The following SLC35F3 variants were observed in gnomAD, a reference collection of about 807,000 sequenced individuals.
SLC35F3 encodes solute carrier family 35 member F3, also known as putative thiamine transporter SLC35F3.
SLC35F3 carries 25 observed loss-of-function variants against 49.9 expected under a neutral mutation model. The ratio of observed to expected loss-of-function variants is 0.50; its 90% confidence interval spans 0.37 to 0.70. The LOEUF (loss-of-function observed/expected upper bound fraction) is 0.70, where lower values mean the gene tolerates loss of function less well. Ranked by LOEUF, SLC35F3 falls within the 30% of genes least tolerant of loss-of-function variation. The pLI, the probability that SLC35F3 is intolerant of heterozygous loss-of-function variation, is 0.00. For missense variants in SLC35F3, 525 were observed against 639.8 expected (o/e 0.82, Z 1.94); for synonymous variants, 275 against 265.4 (o/e 1.04, Z -0.35).
chr1:234,160,952 C>T (rs1572075359), intron 2 of SLC35F3, among the ~76,000 whole-genome samples: 1 of 152,186 alleles, frequency 6.6e-6, no homozygotes. Context: ...CCATAAAATG[C>T]TAAATTAATA....
intron 2 of SLC35F3, among the ~76,000 whole-genome samples, chr1:233,947,181 A>C (rs1662526000): frequency 6.6e-6 from 1 of 152,184 alleles, no homozygotes; most frequent in Admixed American, 6.5e-5. Context: ...AGTTTAAAAA[A>C]CCCACTGGGC....
At chr1:234,148,647 CA>C (rs1666030241) in intron 2 of SLC35F3, among the ~76,000 whole-genome samples, 1 of 152,174 alleles carries the variant, frequency 6.6e-6, no homozygotes, top group Non-Finnish European at 1.5e-5. Context: ...ACTCGATTTA[CA>C]TTTTAAGATC....
chr1:234,221,884 T>G (rs1355136210), intron 2 of SLC35F3, among the ~76,000 whole-genome samples: 1 of 152,234 alleles, frequency 6.6e-6, no homozygotes, highest in Non-Finnish European at 1.5e-5. Context: ...GGCAGGAACA[T>G]TCTAAGAGTC....
intron 2 of SLC35F3, among the ~76,000 whole-genome samples, chr1:233,917,105 CAT>C (rs1661985589): frequency 6.6e-6 from 1 of 152,132 alleles, no homozygotes; most frequent in African/African-American, 2.4e-5. Flanking sequence ...GATTACAAGA[CAT>C]ATACATCTCG....
chr1:234,165,692 T>G (rs1666308563), intron 2 of SLC35F3, among the ~76,000 whole-genome samples: 1 of 152,152 alleles, frequency 6.6e-6, no homozygotes. Context: ...GGCTCATTCT[T>G]TTTTCTTTTT....
intron 2 of SLC35F3, among the ~76,000 whole-genome samples, chr1:234,050,655 A>G (rs370480001): frequency 6.6e-6 from 1 of 151,968 alleles, no homozygotes; most frequent in African/African-American, 2.4e-5. Flanking sequence ...GATCCCATTT[A>G]TCAATTTTGG....
chr1:233,945,132 G>A (rs1475026887), intron 2 of SLC35F3, among the ~76,000 whole-genome samples: 1 of 151,830 alleles, frequency 6.6e-6, no homozygotes, highest in Non-Finnish European at 1.5e-5. Context: ...CATTCGGTTA[G>A]TGATCATGTT....
chr1:234,151,445 A>G (rs1482948859), intron 2 of SLC35F3, among the ~76,000 whole-genome samples: 1 of 152,074 alleles, frequency 6.6e-6, no homozygotes, highest in Non-Finnish European at 1.5e-5. Flanking sequence ...ACTCTACACA[A>G]TGAAAGTGTG....
chr1:234,180,017 G>T (rs187403705), intron 2 of SLC35F3, among the ~76,000 whole-genome samples: 4 of 152,174 alleles, frequency 2.6e-5, no homozygotes. Flanking sequence ...CCTATAGCTC[G>T]ATCCTAGAAT....
In SLC35F3 at chr1:233,963,370, G is replaced by A. The variant is rs1245448781; in HGVS notation, c.283+57612G>A. Among the ~76,000 whole-genome samples, 8 of 150,982 alleles carry A rather than the reference G, an allele frequency of 5.3e-5. No homozygotes were observed. The South Asian group carries it at 1.3e-3, about 24-fold the overall frequency. Reference sequence around the variant, plus strand: ...GACTGGAGTGCAGTGGTGCAATCTCGGCTCACTGCAAGCTCCGCCTCCCAG... The same window carrying A: ...GACTGGAGTGCAGTGGTGCAATCTCAGCTCACTGCAAGCTCCGCCTCCCAG... On this transcript the variant is annotated intron_variant, in intron 2 of 7. Transcript: ENST00000366618.
intron 2 of SLC35F3, among the ~76,000 whole-genome samples, chr1:234,058,002 C>T (rs562811086): frequency 1.3e-5 from 2 of 152,186 alleles, no homozygotes; most frequent in East Asian, 1.9e-4. Context: ...ACACTGCATC[C>T]GGCCATGTGT....
chr1:233,955,470 CATAT>C (rs1435630036), intron 2 of SLC35F3, among the ~76,000 whole-genome samples: 1 of 152,168 alleles, frequency 6.6e-6, no homozygotes, highest in African/African-American at 2.4e-5. Flanking sequence ...CTACAACCTG[CATAT>C]CTAATTGGTG....
At chr1:233,914,426 T>C (rs1278618776) in intron 2 of SLC35F3, among the ~76,000 whole-genome samples, 3 of 152,124 alleles carry the variant, frequency 2.0e-5, no homozygotes, top group African/African-American at 7.2e-5. Flanking sequence ...TTGCTGCAGC[T>C]CCTCCTCCAA....
intron 3 of SLC35F3, among the ~76,000 whole-genome samples, chr1:234,246,071 G>A (rs1036766083): frequency 6.6e-6 from 1 of 152,150 alleles, no homozygotes; most frequent in Non-Finnish European, 1.5e-5. Context: ...TACCACCTTT[G>A]GAAAATATTA....
Position 234,231,748 on chromosome 1 carries a change from GC to G in SLC35F3, c.608+8del. The G allele has an allele frequency of 1.3e-6, 2 of 1,589,922 alleles. No individual in the cohort carries two copies. Among genetic ancestry groups the G allele is most frequent in the East Asian group, 2.2e-5 (1 of 44,554 alleles). On this transcript the variant is annotated splice_region_variant and intron_variant, in intron 3 of 7. Transcript: ENST00000366618. The surrounding 1 kb of genome is among the most constrained non-coding windows in gnomAD (Gnocchi z 5.4). ...CTGTGAAGCAGCGATACAGGTAGGC[GC>G]GTCCTGCATGAGGAGGCCTCCTGAC... is the stretch of plus-strand genomic sequence containing the variant.
At chr1:234,039,727 C>T (rs981789461) in intron 2 of SLC35F3, among the ~76,000 whole-genome samples, 2 of 152,226 alleles carry the variant, frequency 1.3e-5, no homozygotes, top group Non-Finnish European at 2.9e-5. Flanking sequence ...TGCTCAACCC[C>T]TCGTGGGAGA....
chr1:234,079,392 A>G (rs142977071), intron 2 of SLC35F3, among the ~76,000 whole-genome samples: 1,722 of 152,326 alleles, frequency 0.011, 42 homozygotes, highest in Admixed American at 0.046. Context: ...ATTAGGCATC[A>G]ATTTCTTAAA....
chr1:234,235,441 A>G (rs1572107957), intron 3 of SLC35F3, among the ~76,000 whole-genome samples: 4 of 152,318 alleles, frequency 2.6e-5, no homozygotes, highest in South Asian at 4.1e-4. Flanking sequence ...TGGCTGTATC[A>G]GGTCTGTGTT....
chr1:234,214,750 G>T lies in SLC35F3; in HGVS notation c.284-16667G>T, dbSNP rs1667096569. 3.7e-6 allele frequency: 3 copies of T among 803,686 alleles called. No individual in the cohort carries two copies. The highest frequency in any genetic ancestry group is 3.8e-4 in the Middle Eastern group (1 of 2,666). 49.8% of individuals were successfully genotyped at this position (803,686 alleles called of 1,614,324 possible). Reference sequence around the variant, plus strand: ...GTGGGGGGATCTGGCAGCTTCAGGGGCTGCCCTGAGCTCCCTGGCGAGCAG... The same window carrying T: ...GTGGGGGGATCTGGCAGCTTCAGGGTCTGCCCTGAGCTCCCTGGCGAGCAG... On this transcript the variant is annotated intron_variant, in intron 2 of 7. Coordinates refer to ENST00000366618, the MANE Select transcript of SLC35F3 (RefSeq NM_173508.4). The surrounding 1 kb of genome is among the most constrained non-coding windows in gnomAD (Gnocchi z 8.0).
Sources: allele counts gnomAD v4.1 joint callset (sites outside exome capture counted in the v4.1 genomes callset), GRCh38; gene constraint gnomAD v4.1.1; non-coding constraint Gnocchi (gnomAD v3.1); transcripts MANE v1.5; gene names NCBI Gene and HGNC (gene_info 2026-07-23, HGNC 2026-07-21).